The following ATRN variants were observed in gnomAD, a reference collection of about 807,000 sequenced individuals.
ATRN encodes attractin, also known as attractin-2.
In ATRN, 54 loss-of-function variants were observed where a neutral mutation model predicts 178.7. That is an observed-to-expected ratio of 0.30 (90% CI 0.24 to 0.38). The LOEUF (loss-of-function observed/expected upper bound fraction) is 0.38, where lower values mean the gene tolerates loss of function less well. Ranked by LOEUF, ATRN falls within the 10% of genes least tolerant of loss-of-function variation. ATRN has a pLI of 1.00. For synonymous variants in ATRN, 636 were observed against 663.0 expected, an observed-to-expected ratio of 0.96 and a Z score of 0.63; for missense variants, 1,443 against 1,815.1, an observed-to-expected ratio of 0.79 and a Z score of 3.73.
chr20:3,491,812 A>G (rs139066128), intron 1 of ATRN, among the ~76,000 whole-genome samples: 2,967 of 152,096 alleles, frequency 0.02, 58 homozygotes, highest in Admixed American at 0.06. Flanking sequence ...TTTTTTCTTC[A>G]TTTGTGGGTA....
At chr20:3,637,300 C>T (rs1276340318) in intron 26 of ATRN, among the ~76,000 whole-genome samples, 1 of 152,178 alleles carries the variant, frequency 6.6e-6, no homozygotes, top group Admixed American at 6.5e-5. Flanking sequence ...GCGGCTGACG[C>T]TGTTTAGTCC....
intron 27 of ATRN, among the ~76,000 whole-genome samples, chr20:3,639,397 T>C (rs1250542222): frequency 6.6e-6 from 1 of 151,900 alleles, no homozygotes; most frequent in Non-Finnish European, 1.5e-5. Flanking sequence ...GGATTACCGA[T>C]GTGCGCAACC....
At chr20:3,484,065 T>C (rs1197739500) in intron 1 of ATRN, among the ~76,000 whole-genome samples, 2 of 152,148 alleles carry the variant, frequency 1.3e-5, no homozygotes, top group South Asian at 2.1e-4. Context: ...CTGGGCAACA[T>C]AGGGAGACCC....
intron 7 of ATRN, 152 bp from the exon 8 acceptor site, chr20:3,560,510 T>G: frequency 3.1e-6 from 2 of 644,114 alleles, no homozygotes; most frequent in Non-Finnish European, 5.3e-6. Context: ...ATATACCCAG[T>G]ATCGAAATTG....
rs1388015344 is a variant in ATRN at position 3,540,252 on chromosome 20, T to C, written c.525T>C (p.Asn175=). Residue 175 remains asparagine, a synonymous_variant, in exon 3 of 29, where the codon AAT becomes AAC. Coordinates refer to ENST00000262919, the MANE Select transcript of ATRN (RefSeq NM_139321.3). ...ATAGAATAATGAGACTTCGTTTCAA[T>C]CATTTTGCTACAGAGTGTAGTTGGG... ...QPNRIMRLRF[N]HFATECSWDH... is the part of the protein sequence containing the mutation. 2.1e-5 allele frequency: 34 copies of C among 1,604,272 alleles called. No homozygotes were observed. Among genetic ancestry groups the C allele is most frequent in the Non-Finnish European group, 2.8e-5 (33 of 1,175,760 alleles).
At chr20:3,596,313 G>A in intron 20 of ATRN, 64 bp from the exon 21 acceptor site, 7 of 1,477,290 alleles carry the variant, frequency 4.7e-6, no homozygotes, top group Non-Finnish European at 6.6e-6. Context: ...GATCTGTTTG[G>A]TTTTAAAATG....
At chr20:3,557,112 A>T (rs2146215178) in intron 6 of ATRN, among the ~76,000 whole-genome samples, 1 of 152,352 alleles carries the variant, frequency 6.6e-6, no homozygotes, top group African/African-American at 2.4e-5. Context: ...CTCAGGAAAC[A>T]CCTTTCATAG....
At chr20:3,589,867 C>A (rs2086415022) in intron 18 of ATRN, among the ~76,000 whole-genome samples, 1 of 152,224 alleles carries the variant, frequency 6.6e-6, no homozygotes, top group Admixed American at 6.5e-5. Flanking sequence ...ATGGGTGTGG[C>A]AAGTGCCTCC....
chr20:3,584,555 C>G, intron 17 of ATRN, 92 bp from the exon 18 acceptor site: 2 of 855,712 alleles, frequency 2.3e-6, no homozygotes, highest in South Asian at 3.5e-5. Context: ...ATTTTTGACT[C>G]AAGCCAGTTG....
intron 6 of ATRN, among the ~76,000 whole-genome samples, chr20:3,557,995 A>G (rs948690994): frequency 2.6e-5 from 4 of 152,228 alleles, no homozygotes; most frequent in African/African-American, 9.7e-5. Context: ...AAAGGCTTAG[A>G]GAAAATTAAC....
intron 20 of ATRN, among the ~76,000 whole-genome samples, chr20:3,595,584 CAG>C (rs2086517994): frequency 6.6e-6 from 1 of 152,324 alleles, no homozygotes; most frequent in African/African-American, 2.4e-5. Flanking sequence ...TTCCCTTAAA[CAG>C]AAAAATGTCA....
At chr20:3,560,441 T>A (rs2085935490) in intron 7 of ATRN, among the ~76,000 whole-genome samples, 1 of 152,224 alleles carries the variant, frequency 6.6e-6, no homozygotes, top group African/African-American at 2.4e-5. Flanking sequence ...TCAATTGTGC[T>A]GCAATTAACA....
chr20:3,510,042 A>G lies in ATRN; in HGVS notation c.411-25211A>G, dbSNP rs115730404. Among the ~76,000 whole-genome samples, 310 of 152,260 alleles carry G rather than the reference A, an allele frequency of 2.0e-3. 1 individual carries two copies. Among genetic ancestry groups the G allele is most frequent in the African/African-American group, 7.1e-3 (294 of 41,554 alleles). ...ATATATATCGTGGCTCTTGACCCAA[A>G]ATACTTTAGTATGTATTTTCTGAGA... On this transcript the variant is annotated intron_variant, in intron 1 of 28. Coordinates refer to ENST00000262919, the MANE Select transcript of ATRN (RefSeq NM_139321.3).
intron 26 of ATRN, among the ~76,000 whole-genome samples, chr20:3,635,956 C>T (rs1432270502): frequency 2.0e-5 from 3 of 152,000 alleles, no homozygotes; most frequent in Non-Finnish European, 4.4e-5. Context: ...TATTTATTCA[C>T]AATGGAGTAA....
intron 1 of ATRN, among the ~76,000 whole-genome samples, chr20:3,485,822 A>G (rs1468572496): frequency 2.0e-5 from 3 of 151,532 alleles, no homozygotes; most frequent in Non-Finnish European, 4.4e-5. Flanking sequence ...GGGTTTCACC[A>G]TGTCGGTCAG....
intron 1 of ATRN, among the ~76,000 whole-genome samples, chr20:3,507,694 ATTTTTTTTTT>A (rs55823401): frequency 1.7e-5 from 2 of 114,696 alleles, no homozygotes; most frequent in East Asian, 4.8e-4. Flanking sequence ...AGTTAAAAAT[ATTTTTTTTTT>A]TTTTTTTTTT....
intron 1 of ATRN, among the ~76,000 whole-genome samples, chr20:3,480,350 C>T (rs2084602244): frequency 6.6e-6 from 1 of 152,084 alleles, no homozygotes; most frequent in Non-Finnish European, 1.5e-5. Flanking sequence ...TTCTGTGTGG[C>T]GAGGCCATAA....
intron 25 of ATRN, among the ~76,000 whole-genome samples, chr20:3,625,226 A>G (rs1429569103): frequency 6.6e-6 from 1 of 152,080 alleles, no homozygotes; most frequent in East Asian, 1.9e-4. Flanking sequence ...TTCTCTTTTG[A>G]TGTCCTACTG....
intron 1 of ATRN, among the ~76,000 whole-genome samples, chr20:3,482,622 A>G (rs1177790931): frequency 6.6e-6 from 1 of 152,210 alleles, no homozygotes; most frequent in Admixed American, 6.5e-5. Context: ...TTTGATCAGA[A>G]GGTTTGGCAA....
Sources: gnomAD v4.1 joint callset for allele counts (sites outside exome capture counted in the v4.1 genomes callset) on GRCh38, gnomAD v4.1.1 for gene constraint, MANE v1.5 for transcripts, NCBI Gene and HGNC (gene_info 2026-07-23, HGNC 2026-07-21) for gene names.